The following CAP2 variants were observed in gnomAD, a reference collection of about 807,000 sequenced individuals.
The protein encoded by CAP2 is adenylyl cyclase-associated protein 2.
Under a neutral mutation model 57.7 loss-of-function variants are expected in CAP2, and 24 were observed. The ratio of observed to expected loss-of-function variants is 0.42; its 90% CI spans 0.30 to 0.58. CAP2 has a LOEUF of 0.58. CAP2 is among the 20% of genes least tolerant of loss of function. CAP2 has a pLI of 0.22. For missense variants in CAP2, 501 were observed against 590.3 expected, an observed-to-expected ratio of 0.85 and a Z score of 1.57; for synonymous variants, 194 against 207.2, an observed-to-expected ratio of 0.94 and a Z score of 0.55.
intron 11 of CAP2, among the ~76,000 whole-genome samples, chr6:17,546,511 G>C (rs1398157285): frequency 1.3e-5 from 2 of 152,092 alleles, no homozygotes; most frequent in African/African-American, 4.8e-5. Context: ...TCGCTCTGAT[G>C]GTAGTTTCTT....
chr6:17,419,444 G>A (rs1205005040), intron 1 of CAP2, among the ~76,000 whole-genome samples: 2 of 152,112 alleles, frequency 1.3e-5, no homozygotes, highest in African/African-American at 4.8e-5. Context: ...AGGAGCAGCA[G>A]CCTGATTTTG....
chr6:17,538,035 C>T (rs977144138), intron 7 of CAP2, among the ~76,000 whole-genome samples: 4 of 152,038 alleles, frequency 2.6e-5, no homozygotes, highest in Non-Finnish European at 5.9e-5. Flanking sequence ...CCACTGCACT[C>T]CAGCCTGGGC....
intron 4 of CAP2, among the ~76,000 whole-genome samples, chr6:17,486,057 A>C (rs890832519): frequency 3.3e-5 from 5 of 152,252 alleles, no homozygotes; most frequent in African/African-American, 1.2e-4. Flanking sequence ...AAAATCCAGT[A>C]AAATAAGCCA....
chr6:17,475,499 T>G (rs1188325067), intron 4 of CAP2, among the ~76,000 whole-genome samples: 1 of 152,180 alleles, frequency 6.6e-6, no homozygotes, highest in Non-Finnish European at 1.5e-5. Flanking sequence ...TTACACCCCC[T>G]TTTACTAAAT....
chr6:17,532,762 CAA>C (rs372842125), intron 7 of CAP2, among the ~76,000 whole-genome samples: 13,350 of 133,540 alleles, frequency 0.1, 741 homozygotes, highest in South Asian at 0.16. Context: ...CACACACACA[CAA>C]AAAAAACTGG....
intron 3 of CAP2, among the ~76,000 whole-genome samples, chr6:17,439,760 T>C (rs9477429): frequency 0.65 from 97,629 of 151,164 alleles, 33,321 homozygotes; most frequent in East Asian, 0.86. Context: ...ATCTCACAGG[T>C]GGTGGAGCTC....
chr6:17,435,185 A>G (rs1376017857), intron 3 of CAP2, among the ~76,000 whole-genome samples: 3 of 114,844 alleles, frequency 2.6e-5, no homozygotes, highest in East Asian at 4.5e-4. Flanking sequence ...TACTGGGTAT[A>G]TATCCAAATG....
intron 4 of CAP2, among the ~76,000 whole-genome samples, chr6:17,471,786 G>A (rs1212055729): frequency 6.7e-6 from 1 of 150,052 alleles, no homozygotes. Context: ...AGCCGAGATT[G>A]CGCCACTGCA....
intron 1 of CAP2, among the ~76,000 whole-genome samples, chr6:17,394,678 T>G (rs1191075641): frequency 6.6e-6 from 1 of 152,222 alleles, no homozygotes; most frequent in Non-Finnish European, 1.5e-5. Flanking sequence ...TCCTATTTCC[T>G]TACTGCTTCT....
intron 7 of CAP2, among the ~76,000 whole-genome samples, chr6:17,523,291 C>A (rs1762431137): frequency 6.6e-6 from 1 of 151,980 alleles, no homozygotes; most frequent in Non-Finnish European, 1.5e-5. Context: ...GGGAGAGAAT[C>A]GTGGTAATAT....
intron 7 of CAP2, chr6:17,531,472 G>A (rs1221116943): frequency 5.3e-6 from 8 of 1,504,338 alleles, no homozygotes; most frequent in Non-Finnish European, 6.4e-6. Context: ...CCTTGTGATA[G>A]TGCTTCGCTT....
intron 7 of CAP2, among the ~76,000 whole-genome samples, chr6:17,536,852 C>T (rs1762785303): frequency 1.3e-5 from 2 of 152,100 alleles, no homozygotes; most frequent in Admixed American, 6.6e-5. Flanking sequence ...GTTTGATGTC[C>T]AAAGCTTATA....
chr6:17,435,734 A>C (rs1416385498), intron 3 of CAP2, among the ~76,000 whole-genome samples: 1 of 128,624 alleles, frequency 7.8e-6, no homozygotes, highest in Non-Finnish European at 1.5e-5. Flanking sequence ...AAAAAAAAAC[A>C]AAAAAAAAAC....
At position 17,441,688 on chromosome 6, in the gene CAP2, T is replaced by C. The variant is rs199990936; in HGVS notation, c.222+14998T>C. ...TTAGTAGAGACAGCGTTTCACCATG[T>C]TGCTCAGGCTGGTCTTGAACTCCTA... On this transcript the variant is annotated intron_variant, in intron 3 of 12. Transcript: ENST00000229922. Among the ~76,000 whole-genome samples, 7 of 152,314 alleles carry C rather than the reference T, an allele frequency of 4.6e-5. No individual in the cohort carries two copies. In the East Asian group the frequency reaches 1.4e-3, roughly 29 times the overall value.
intron 3 of CAP2, among the ~76,000 whole-genome samples, chr6:17,427,748 C>T (rs572489960): frequency 6.6e-6 from 1 of 152,278 alleles, no homozygotes; most frequent in Non-Finnish European, 1.5e-5. Flanking sequence ...TGGAAGCAAC[C>T]CAAGTGTGCA....
intron 6 of CAP2, among the ~76,000 whole-genome samples, chr6:17,510,056 T>A (rs934329640): frequency 6.6e-6 from 1 of 152,174 alleles, no homozygotes; most frequent in African/African-American, 2.4e-5. Context: ...AGAAAGTAGA[T>A]TAACAGTTGC....
At chr6:17,445,849 C>T (rs377277485) in intron 3 of CAP2, among the ~76,000 whole-genome samples, 4 of 152,164 alleles carry the variant, frequency 2.6e-5, no homozygotes, top group Non-Finnish European at 5.9e-5. Context: ...GGAAAGATAT[C>T]GAACAGCACC....
chr6:17,488,036 C>T (rs967540842), intron 4 of CAP2, among the ~76,000 whole-genome samples: 13 of 151,954 alleles, frequency 8.6e-5, no homozygotes, highest in East Asian at 7.7e-4. Context: ...GTGATCCTCC[C>T]GCCTCAGCCT....
Position 17,539,325 on chromosome 6 carries a change from T to C in CAP2, c.693T>C (p.Leu231=). Residue 231 remains leucine (L), a synonymous_variant, in exon 8 of 13, where the codon CTT becomes CTC. Coordinates refer to ENST00000229922, the MANE Select transcript of CAP2 (RefSeq NM_006366.3). The stretch of plus-strand genomic sequence containing the variant: ...CTGTCCTCTCCTCTGGGCCTGGCCT[T>C]CCTCCACCCCCTCCTCCTCTGCCTC... The part of the protein sequence containing the change: ...AFSVLSSGPG[L]PPPPPPLPPP... 1 of 1,614,072 alleles carries C rather than the reference T, an allele frequency of 6.2e-7. No homozygotes were observed.
Sources: gnomAD v4.1 joint callset for allele counts (sites outside exome capture counted in the v4.1 genomes callset) on GRCh38, gnomAD v4.1.1 for gene constraint, MANE v1.5 for transcripts, NCBI Gene and HGNC (gene_info 2026-07-23, HGNC 2026-07-21) for gene names.